ZNF106: variants seen among roughly 807,000 people sequenced by gnomAD.
ZNF106 encodes SH3-domain binding protein 3.
Under a neutral mutation model 195.1 loss-of-function variants are expected in ZNF106, and 67 were observed. The observed-to-expected ratio is 0.34, with a 90% CI of 0.28 to 0.42. The LOEUF (loss-of-function observed/expected upper bound fraction) is 0.42, where lower values mean the gene tolerates loss of function less well. ZNF106 is among the 10% of genes least tolerant of loss of function. ZNF106 has a pLI of 1.00. For missense variants in ZNF106, 2,118 were observed against 2,304.5 expected (o/e 0.92, Z 1.66); for synonymous variants, 784 against 818.6 (o/e 0.96, Z 0.72).
intron 13 of ZNF106, 110 bp from the exon 14 acceptor site, chr15:42,435,628 A>C: frequency 2.9e-5 from 39 of 1,365,958 alleles, no homozygotes; most frequent in East Asian, 7.0e-5. Flanking sequence ...CTGTATCCTC[A>C]TGTCTAAAAC....
chr15:42,482,530 T>G (rs1028040555), intron 1 of ZNF106, among the ~76,000 whole-genome samples: 6 of 137,578 alleles, frequency 4.4e-5, no homozygotes, highest in Admixed American at 3.6e-4. Context: ...CAGTTTTTTT[T>G]TTTTTTTTTT....
At chr15:42,482,726 T>C (rs2056930935) in intron 1 of ZNF106, among the ~76,000 whole-genome samples, 1 of 152,036 alleles carries the variant, frequency 6.6e-6, no homozygotes, top group South Asian at 2.1e-4. Flanking sequence ...AGACGGGGTT[T>C]CACCATATTG....
intron 14 of ZNF106, among the ~76,000 whole-genome samples, chr15:42,435,092 C>G (rs1378922785): frequency 2.6e-5 from 4 of 152,112 alleles, no homozygotes; most frequent in African/African-American, 9.7e-5. Context: ...TCTCTTTATT[C>G]TATCTAGGAT....
At chr15:42,463,464 G>C (rs1206792425) in intron 3 of ZNF106, among the ~76,000 whole-genome samples, 2 of 152,126 alleles carry the variant, frequency 1.3e-5, no homozygotes. Flanking sequence ...GGAAGGCAGA[G>C]GTAGGAGGAT....
At chr15:42,421,419 A>G (rs1401481155) in intron 19 of ZNF106, among the ~76,000 whole-genome samples, 1 of 152,144 alleles carries the variant, frequency 6.6e-6, no homozygotes, top group Non-Finnish European at 1.5e-5. Context: ...CCTGGTTTCT[A>G]TCGGGTGCTC....
intron 1 of ZNF106, among the ~76,000 whole-genome samples, chr15:42,473,666 C>A (rs1402591774): frequency 6.6e-6 from 1 of 152,128 alleles, no homozygotes; most frequent in East Asian, 1.9e-4. Context: ...GTTCCAGTTT[C>A]TCTATTCCCC....
chr15:42,485,744 T>C (rs983216399), intron 1 of ZNF106, among the ~76,000 whole-genome samples: 2 of 152,124 alleles, frequency 1.3e-5, no homozygotes, highest in African/African-American at 4.8e-5. Context: ...TATTATAAAA[T>C]AAAAATGTGT....
chr15:42,488,801 G>A (rs2057070897), intron 1 of ZNF106, among the ~76,000 whole-genome samples: 1 of 152,076 alleles, frequency 6.6e-6, no homozygotes, highest in Non-Finnish European at 1.5e-5. Flanking sequence ...TTGAGGCCGG[G>A]CACTGTGGCT....
Position 42,481,342 on chromosome 15 carries a change from GTTTTTTTTTTTGTTGTT to G in ZNF106, c.-32-9038_-32-9022del, listed in dbSNP as rs1199963531. 1.0e-2 allele frequency among the ~76,000 whole-genome samples: 1,190 copies of G among 119,520 alleles called. 13 individuals carry two copies. Among genetic ancestry groups the G allele is most frequent in the African/African-American group, 0.034 (1,130 of 32,920 alleles). 78.4% of individuals were successfully genotyped at this position (119,520 alleles called of 152,430 possible). On this transcript the variant is annotated intron_variant, in intron 1 of 21. Coordinates refer to ENST00000564754, the MANE Select transcript of ZNF106 (RefSeq NM_001366845.3). ...AATGTCTTTATTTCATATTCTTTCT[GTTTTTTTTTTTGTTGTT>G]TTTTTTTTTTTTTTTTGAGACAGAG...
At chr15:42,460,058 G>C (rs1283901333) in intron 3 of ZNF106, among the ~76,000 whole-genome samples, 1 of 148,154 alleles carries the variant, frequency 6.7e-6, no homozygotes, top group Non-Finnish European at 1.5e-5. Context: ...AAAAAAAAAA[G>C]AAAATATTTT....
At position 42,451,096 on chromosome 15, in the gene ZNF106, A is replaced by G; in HGVS notation, c.1176T>C (p.Gly392=). 1 of 1,614,204 alleles carries G rather than the reference A, an allele frequency of 6.2e-7. No individual in the cohort carries two copies. The highest frequency in any genetic ancestry group is 8.5e-7 in the Non-Finnish European group (1 of 1,180,038). The stretch of plus-strand genomic sequence containing the variant: ...GTTTCTCTATCATTTCTGACTTGTT[A>G]CCAGTGATGTCTTTCAATCCCGACT... ...DLQSGLKDIT[G]NKSEMIEKPL... is the part of the protein sequence containing the mutation. Residue 392 remains glycine (G), a synonymous_variant, in exon 5 of 22, where the codon GGT becomes GGC. Coordinates refer to ENST00000564754, the MANE Select transcript of ZNF106 (RefSeq NM_001366845.3).
At chr15:42,468,068 CTTTTTTTTTTT>C (rs200457966) in intron 2 of ZNF106, among the ~76,000 whole-genome samples, 3 of 102,112 alleles carry the variant, frequency 2.9e-5, no homozygotes, top group South Asian at 3.6e-4. Context: ...TTCAAAACGC[CTTTTTTTTTTT>C]TTTTTTTTTT....
rs201988801 is a variant in ZNF106, at chr15:42,439,742, T to C, written c.3835A>G (p.Ser1279Gly). Residue 1279 changes from serine (S) to glycine (G), a missense_variant, in exon 11 of 22, where the codon AGT becomes GGT. By Grantham distance (56) the Ser-to-Gly change is moderately conservative. Transcript: ENST00000564754. ...ARLSLPESTE[S>G]FHEPSQELKF... ...AGTTCTTGGCTAGGCTCATGGAAAC[T>C]TTCTGTTGACTCTGGTAAGGACAAT... 6.2e-7 allele frequency: 1 copy of C among 1,611,556 alleles called. No homozygotes were observed.
Position 42,439,655 on chromosome 15 carries a change from C to A in ZNF106, c.3922G>T (p.Ala1308Ser). The A allele has an allele frequency of 6.2e-7, 1 of 1,614,002 alleles. No homozygotes were observed. Among genetic ancestry groups the A allele is most frequent in the Non-Finnish European group, 8.5e-7 (1 of 1,179,982 alleles). ...TCTTTATTTATGCTAGAAAGACCAG[C>A]TGATTGGGAAGAGGGAGAGTTTTCT... Reference protein sequence around the residue: ...NRENSPSSQSAGLSSINKEGE... With the variant: ...NRENSPSSQSSGLSSINKEGE... Residue 1308 changes from alanine to serine, a missense_variant, in exon 11 of 22, where the codon GCT (alanine) becomes TCT (serine). Physicochemically the swap from Ala to Ser is moderately conservative, Grantham distance 99. Coordinates refer to ENST00000564754, the MANE Select transcript of ZNF106 (RefSeq NM_001366845.3).
chr15:42,454,534 A>G (rs1035911719), intron 4 of ZNF106, among the ~76,000 whole-genome samples: 11 of 151,980 alleles, frequency 7.2e-5, no homozygotes, highest in Admixed American at 3.3e-4. Context: ...CAGAAAGAAT[A>G]ATCTAAGTTA....
chr15:42,435,575 T>C (rs1007144811), intron 13 of ZNF106, 57 bp from the exon 14 acceptor site: 3 of 1,601,052 alleles, frequency 1.9e-6, no homozygotes, highest in South Asian at 2.2e-5. Context: ...GATTAGATAA[T>C]ATATTTCCTC....
Position 42,417,263 on chromosome 15 carries a change from T to TG in ZNF106, c.*40_*41insC. The stretch of plus-strand genomic sequence containing the variant: ...CCTGTGTGGGGGGCCAATGTGAAAA[T>TG]AGTTCAACTAATGACTTCCCAACGT... On this transcript the variant is annotated 3_prime_UTR_variant, in exon 22 of 22. Transcript: ENST00000564754. The TG allele has an allele frequency of 1.9e-6, 3 of 1,610,702 alleles. No homozygotes were observed.
At chr15:42,479,536 TG>T (rs1014213788) in intron 1 of ZNF106, among the ~76,000 whole-genome samples, 7 of 152,208 alleles carry the variant, frequency 4.6e-5, no homozygotes, top group African/African-American at 9.6e-5. Context: ...TTTATATTGA[TG>T]TTTTTTTTAA....
At chr15:42,490,664 C>T (rs1401295236) in intron 1 of ZNF106, among the ~76,000 whole-genome samples, 1 of 152,172 alleles carries the variant, frequency 6.6e-6, no homozygotes, top group African/African-American at 2.4e-5. Flanking sequence ...GGTCTTTGGA[C>T]TCCCTGCCCA....
Sources: gnomAD v4.1 joint callset for allele counts (sites outside exome capture counted in the v4.1 genomes callset) on GRCh38, gnomAD v4.1.1 for gene constraint, MANE v1.5 for transcripts, NCBI Gene and HGNC (gene_info 2026-07-23, HGNC 2026-07-21) for gene names.